Variants in PDE1A observed in about 807,000 individuals in gnomAD.
The protein encoded by PDE1A is dual specificity calcium/calmodulin-dependent 3',5'-cyclic nucleotide phosphodiesterase 1A.
PDE1A carries 35 observed loss-of-function variants against 61.7 expected under a neutral mutation model. That is an observed-to-expected ratio of 0.57 (90% CI 0.43 to 0.75). The LOEUF (loss-of-function observed/expected upper bound fraction) is 0.75. Among genes scored for constraint, PDE1A ranks in the 30% least tolerant of loss-of-function variants. The pLI is 0.00. For missense variants in PDE1A, 597 were observed against 630.6 expected, an observed-to-expected ratio of 0.95 and a Z score of 0.57; for synonymous variants, 232 against 213.2, an observed-to-expected ratio of 1.09 and a Z score of -0.77.
chr2:182,289,343 C>T (rs1694372993), intron 1 of PDE1A, among the ~76,000 whole-genome samples: 2 of 150,412 alleles, frequency 1.3e-5, no homozygotes, highest in Non-Finnish European at 3.0e-5. Context: ...ACATAGCAGA[C>T]CAAGAAGAAA....
At chr2:182,534,795 A>C in the PDE1A span, among the ~76,000 whole-genome samples, 1 of 151,646 alleles carries the variant, frequency 6.6e-6, no homozygotes, top group Non-Finnish European at 1.5e-5. Flanking sequence ...TATGTAGTTA[A>C]ATTTGTTGAA....
chr2:182,191,400 C>T (rs1021385846), intron 10 of PDE1A, among the ~76,000 whole-genome samples: 1 of 152,042 alleles, frequency 6.6e-6, no homozygotes, highest in Non-Finnish European at 1.5e-5. Context: ...AATATAAATA[C>T]TAATATTACT....
the PDE1A span, among the ~76,000 whole-genome samples, chr2:182,594,754 G>A: frequency 2.6e-5 from 4 of 152,162 alleles, no homozygotes; most frequent in East Asian, 7.7e-4. Flanking sequence ...TTGTTTTTAA[G>A]CAGGCACGGA....
chr2:182,350,552 A>T (rs946091862), intron 1 of PDE1A, among the ~76,000 whole-genome samples: 5 of 152,208 alleles, frequency 3.3e-5, no homozygotes, highest in African/African-American at 7.2e-5. Flanking sequence ...GCAGGAAAAA[A>T]GTGCAGTTCA....
At chr2:182,307,904 G>A (rs1322939619) in intron 1 of PDE1A, among the ~76,000 whole-genome samples, 1 of 152,024 alleles carries the variant, frequency 6.6e-6, no homozygotes, top group Non-Finnish European at 1.5e-5. Context: ...ATGACAAGTT[G>A]TTGGTGAGGG....
the PDE1A span, among the ~76,000 whole-genome samples, chr2:182,607,051 G>A: frequency 6.6e-6 from 1 of 150,444 alleles, no homozygotes; most frequent in Non-Finnish European, 1.5e-5. Context: ...AACGTGGGGG[G>A]AAAAAAAAAG....
the PDE1A span, among the ~76,000 whole-genome samples, chr2:182,573,494 T>G: frequency 6.6e-6 from 1 of 152,218 alleles, no homozygotes; most frequent in East Asian, 1.9e-4. Context: ...GGGCTATCAC[T>G]AAACTAGGAC....
intron 1 of PDE1A, among the ~76,000 whole-genome samples, chr2:182,298,130 C>T (rs545551613): frequency 1.4e-4 from 22 of 152,242 alleles, no homozygotes; most frequent in South Asian, 4.1e-4. Context: ...TACAGCACCA[C>T]AATTGTTAAC....
rs1001189917 is a variant in PDE1A, at chr2:182,205,846, A to G, written c.902+94T>C. 1.5e-5 allele frequency: 16 copies of G among 1,064,834 alleles called. 1 individual carries two copies. The African/African-American group carries it at 1.6e-4, about 10-fold the overall frequency. The allele number at this position is 1,064,834 out of a possible 1,614,324, so 66.0% of individuals were successfully genotyped here. On this transcript the variant is annotated intron_variant, in intron 8 of 13. Coordinates refer to ENST00000351439, the Ensembl canonical transcript of PDE1A. ...AGTAATTAAGTTTGTAATTTGGGGAATGCATCGACTTTCATCTTTTTTCTT... is the reference window on the plus strand; with the variant it reads ...AGTAATTAAGTTTGTAATTTGGGGAGTGCATCGACTTTCATCTTTTTTCTT...
At chr2:182,626,426 G>C in the PDE1A span, among the ~76,000 whole-genome samples, 1 of 151,776 alleles carries the variant, frequency 6.6e-6, no homozygotes, top group South Asian at 2.1e-4. Context: ...ATTTTAAAAT[G>C]TTATCTGTTT....
At chr2:182,532,959 A>AAAAAAC in the PDE1A span, among the ~76,000 whole-genome samples, 2 of 144,556 alleles carry the variant, frequency 1.4e-5, no homozygotes, top group Admixed American at 6.9e-5. Context: ...AAAAAAAAAA[A>AAAAAAC]AAAAAAAAAA....
At chr2:182,430,263 A>G (rs1006697798), upstream of PDE1A, among the ~76,000 whole-genome samples, 3 of 138,186 alleles carry the variant, frequency 2.2e-5, no homozygotes, top group African/African-American at 8.3e-5. Context: ...TTTACAAGAA[A>G]AAAACAAACA....
intron 1 of PDE1A, among the ~76,000 whole-genome samples, chr2:182,369,793 A>G (rs986255457): frequency 1.3e-5 from 2 of 152,224 alleles, no homozygotes; most frequent in African/African-American, 4.8e-5. Context: ...ATTAGAAGCA[A>G]TGCATCAAAA....
the PDE1A span, among the ~76,000 whole-genome samples, chr2:182,556,732 A>G: frequency 6.6e-6 from 1 of 152,204 alleles, no homozygotes; most frequent in East Asian, 1.9e-4. Flanking sequence ...TTCAGAAGCC[A>G]TAACTAGAAA....
chr2:182,285,992 C>T (rs833156), intron 1 of PDE1A, among the ~76,000 whole-genome samples: 111,286 of 152,106 alleles, frequency 0.73, 41,434 homozygotes, highest in African/African-American at 0.88. Context: ...ATCCGTAAAG[C>T]TGGAAAATGA....
chr2:182,223,809 A>G (rs976244034), intron 7 of PDE1A, 55 bp downstream of exon 7: 2 of 1,001,316 alleles, frequency 2.0e-6, no homozygotes, highest in Admixed American at 5.0e-5. Context: ...AGTGATATGC[A>G]GAAAAATAAA....
chr2:182,538,017 C>A, the PDE1A span, among the ~76,000 whole-genome samples: 1 of 152,284 alleles, frequency 6.6e-6, no homozygotes, highest in Non-Finnish European at 1.5e-5. Flanking sequence ...TCTTCCCCTG[C>A]ACTCTCTTTC....
chr2:182,238,315 A>G (rs1337707488), intron 3 of PDE1A, among the ~76,000 whole-genome samples: 1 of 151,504 alleles, frequency 6.6e-6, no homozygotes, highest in Non-Finnish European at 1.5e-5. Context: ...ACAGGAACTA[A>G]TTTATATCCT....
the PDE1A span, among the ~76,000 whole-genome samples, chr2:182,621,576 TA>T: frequency 2.4e-4 from 25 of 106,100 alleles, no homozygotes; most frequent in East Asian, 1.2e-3. Flanking sequence ...TACAATAACT[TA>T]AAAAAAAATT....
Sources: gnomAD v4.1 joint callset for allele counts (sites outside exome capture counted in the v4.1 genomes callset) on GRCh38, gnomAD v4.1.1 for gene constraint, MANE v1.5 for transcripts, NCBI Gene and HGNC (gene_info 2026-07-23, HGNC 2026-07-21) for gene names.